The following PDE1C variants were observed in gnomAD, a reference collection of about 807,000 sequenced individuals.
The protein encoded by PDE1C is dual specificity calcium/calmodulin-dependent 3',5'-cyclic nucleotide phosphodiesterase 1C.
In PDE1C, 62 loss-of-function variants were observed where a neutral mutation model predicts 93.1. The ratio of observed to expected loss-of-function variants is 0.67; its 90% CI spans 0.54 to 0.82. PDE1C has a LOEUF of 0.82. Among genes scored for constraint, PDE1C ranks in the 40% least tolerant of loss-of-function variants. The probability of loss-of-function intolerance (pLI) is 0.00; values close to 1 mark genes in which losing one functional copy is unlikely to be tolerated. For missense variants in PDE1C, 742 were observed against 884.6 expected (o/e 0.84, Z 2.04); for synonymous variants, 325 against 310.1 (o/e 1.05, Z -0.50).
chr7:31,628,448 C>CTTT, the PDE1C span, among the ~76,000 whole-genome samples: 111 of 143,540 alleles, frequency 7.7e-4, 1 homozygote, highest in African/African-American at 2.7e-3. Flanking sequence ...AGCGTGATTC[C>CTTT]TTTTTTTTTT....
the PDE1C span, among the ~76,000 whole-genome samples, chr7:31,617,029 C>CTGCTCCTAG: frequency 6.6e-6 from 1 of 152,206 alleles, no homozygotes. Context: ...TTATGACAGA[C>CTGCTCCTAG]TGCTCCTAGG....
chr7:32,270,042 C>T (rs1377036063), intron 1 of PDE1C, among the ~76,000 whole-genome samples: 1 of 152,092 alleles, frequency 6.6e-6, no homozygotes, highest in Admixed American at 6.5e-5. Flanking sequence ...TCCCAAAATG[C>T]TGGGATTACA....
At chr7:32,141,314 G>T (rs530138839) in intron 3 of PDE1C, among the ~76,000 whole-genome samples, 2 of 152,262 alleles carry the variant, frequency 1.3e-5, no homozygotes, top group East Asian at 3.9e-4. Flanking sequence ...CTGCACCCCA[G>T]CCTGGACAAC....
intron 2 of PDE1C, among the ~76,000 whole-genome samples, chr7:31,964,092 G>C (rs998297367): frequency 6.6e-6 from 1 of 152,224 alleles, no homozygotes; most frequent in African/African-American, 2.4e-5. Context: ...TCTCACTGGG[G>C]AGTGCCAGAA....
chr7:31,831,860 C>CT (rs1035959870), intron 11 of PDE1C, among the ~76,000 whole-genome samples: 6 of 151,944 alleles, frequency 3.9e-5, no homozygotes, highest in African/African-American at 9.7e-5. Flanking sequence ...CCATCAGCAG[C>CT]AGAAGCAGGA....
chr7:31,846,966 T>C (rs1391660209), intron 9 of PDE1C, among the ~76,000 whole-genome samples: 1 of 152,184 alleles, frequency 6.6e-6, no homozygotes, highest in Non-Finnish European at 1.5e-5. Flanking sequence ...TTCATTTCTC[T>C]AAATCCTTGA....
upstream of PDE1C, chr7:32,071,075 GA>G: frequency 5.1e-6 from 5 of 985,502 alleles, no homozygotes; most frequent in Non-Finnish European, 6.0e-6. Flanking sequence ...GGCGCGGAGG[GA>G]GGGGCGCGCG....
Position 31,815,997 on chromosome 7 carries a change from C to G in PDE1C, c.1740G>C (p.Arg580=), listed in dbSNP as rs952801170. Reference sequence around the variant, plus strand: ...CACGAGGGTTGTCACTTTTGTTTGCCCGTGTTCCATTGACTTGATTCTTAG... The same window carrying G: ...CACGAGGGTTGTCACTTTTGTTTGCGCGTGTTCCATTGACTTGATTCTTAG... ...GETKNQVNGT[R]ANKSDNPRGK... is the part of the protein sequence containing the mutation. Residue 580 remains arginine, a synonymous_variant, in exon 15 of 18, where the codon CGG becomes CGC. Transcript: ENST00000396191. 3 of 1,613,850 alleles carry G rather than the reference C, an allele frequency of 1.9e-6. No homozygotes were observed. The African/African-American group carries it at 4.0e-5, about 22-fold the overall frequency.
the PDE1C span, chr7:31,643,587 G>A: frequency 6.2e-7 from 1 of 1,613,918 alleles, no homozygotes; most frequent in Non-Finnish European, 8.5e-7. Flanking sequence ...AATGCACTGT[G>A]TGTGATCCTG....
chr7:31,697,736 G>T, the PDE1C span, among the ~76,000 whole-genome samples: 3 of 152,160 alleles, frequency 2.0e-5, no homozygotes, highest in Admixed American at 6.5e-5. Flanking sequence ...TTGTGTTGGG[G>T]AAGTGACGGA....
intron 2 of PDE1C, among the ~76,000 whole-genome samples, chr7:31,959,218 G>A (rs1164290838): frequency 6.6e-6 from 1 of 151,926 alleles, no homozygotes; most frequent in African/African-American, 2.4e-5. Context: ...TTGTTTGTTT[G>A]TTTGTTTTTT....
the PDE1C span, among the ~76,000 whole-genome samples, chr7:31,703,895 T>G: frequency 1.3e-5 from 2 of 152,140 alleles, no homozygotes; most frequent in African/African-American, 2.4e-5. Flanking sequence ...ATCTCAAGCT[T>G]CTCTGACAGA....
intron 2 of PDE1C, among the ~76,000 whole-genome samples, chr7:31,898,020 T>TTTTGTGTG (rs768171747): frequency 1.4e-5 from 2 of 145,946 alleles, no homozygotes; most frequent in Admixed American, 1.4e-4. Flanking sequence ...TTTGGTTTCT[T>TTTTGTGTG]TGTGTGTGTG....
chr7:32,135,954 G>GC (rs1414170210), intron 3 of PDE1C, among the ~76,000 whole-genome samples: 4 of 152,170 alleles, frequency 2.6e-5, no homozygotes, highest in Non-Finnish European at 5.9e-5. Flanking sequence ...CATTTGCAAA[G>GC]ACATGATAGC....
intron 3 of PDE1C, among the ~76,000 whole-genome samples, chr7:32,098,023 G>T (rs998475145): frequency 5.4e-5 from 8 of 149,034 alleles, no homozygotes; most frequent in Non-Finnish European, 1.2e-4. Context: ...GAGGTCAGGA[G>T]ATCGAGACCA....
intron 2 of PDE1C, among the ~76,000 whole-genome samples, chr7:32,036,445 AAAGT>A (rs1474379827): frequency 6.6e-6 from 1 of 152,212 alleles, no homozygotes; most frequent in African/African-American, 2.4e-5. Context: ...AATTAAACCC[AAAGT>A]AAGTAGAAGA....
chr7:31,728,057 A>C, the PDE1C span, among the ~76,000 whole-genome samples: 1 of 152,160 alleles, frequency 6.6e-6, no homozygotes, highest in Non-Finnish European at 1.5e-5. Context: ...ATAAATAAAT[A>C]AAAGTTTTAT....
intron 1 of PDE1C, among the ~76,000 whole-genome samples, chr7:32,253,967 C>T (rs1009131632): frequency 3.9e-5 from 6 of 152,012 alleles, no homozygotes; most frequent in Non-Finnish European, 4.4e-5. Flanking sequence ...ATCAGCATGA[C>T]GCATTTGGAA....
In PDE1C at chr7:32,298,756, G is replaced by A. The variant is rs1362500858; in HGVS notation, c.-21C>T. On this transcript the variant is annotated 5_prime_UTR_variant, in exon 1 of 19. Coordinates refer to the PDE1C transcript ENST00000396193. ...GTCATGGCTCGGCCGGCCGGGCAGG[G>A]GCCTCGCAGCGAGACCAGCGGCGTC... The A allele has an allele frequency of 3.2e-6, 5 of 1,574,300 alleles. No homozygotes were observed. The East Asian group carries it at 7.0e-5, about 22-fold the overall frequency.
Sources: gnomAD v4.1 joint callset for allele counts (sites outside exome capture counted in the v4.1 genomes callset) on GRCh38, gnomAD v4.1.1 for gene constraint, MANE v1.5 for transcripts, NCBI Gene and HGNC (gene_info 2026-07-23, HGNC 2026-07-21) for gene names.